PLEKHG1: variants seen among roughly 807,000 people sequenced by gnomAD.
The protein encoded by PLEKHG1 is pleckstrin homology domain-containing family G member 1.
PLEKHG1 carries 44 observed loss-of-function variants against 100.8 expected under a neutral mutation model. That is an observed-to-expected ratio of 0.44 (90% CI 0.34 to 0.56). The LOEUF is 0.56. Among genes scored for constraint, PLEKHG1 ranks in the 20% least tolerant of loss-of-function variants. The pLI is 0.01. For missense variants in PLEKHG1, 1,545 were observed against 1,720.9 expected (o/e 0.90, Z 1.81); for synonymous variants, 640 against 662.5 (o/e 0.97, Z 0.52).
chr6:150,739,754 A>T (rs926182011), intron 2 of PLEKHG1, among the ~76,000 whole-genome samples: 1 of 152,208 alleles, frequency 6.6e-6, no homozygotes, highest in Non-Finnish European at 1.5e-5. Flanking sequence ...GCATATCTTT[A>T]TGGGAAGCAT....
intron 2 of PLEKHG1, among the ~76,000 whole-genome samples, chr6:150,758,141 A>G (rs1239298385): frequency 6.6e-6 from 1 of 152,196 alleles, no homozygotes; most frequent in African/African-American, 2.4e-5. Flanking sequence ...CATTGAACAT[A>G]CGCACACATG....
At chr6:150,816,325 A>ATTTTTTTT (rs1562546175) in intron 10 of PLEKHG1, among the ~76,000 whole-genome samples, 5 of 49,714 alleles carry the variant, frequency 1.0e-4, no homozygotes, top group East Asian at 6.5e-4. Flanking sequence ...TCTCAAACAT[A>ATTTTTTTT]CTTTTTTTTT....
At chr6:150,793,842 G>A (rs1166263223) in intron 4 of PLEKHG1, among the ~76,000 whole-genome samples, 1 of 152,210 alleles carries the variant, frequency 6.6e-6, no homozygotes, top group African/African-American at 2.4e-5. Context: ...AGCACTTTGG[G>A]ATGCCAAGGT....
At chr6:150,733,611 C>A (rs774193515) in exon 2 of PLEKHG1, 3 of 1,613,154 alleles carry the variant, frequency 1.9e-6, no homozygotes, top group African/African-American at 2.7e-5. Context: ...CTTGAAGTGC[C>A]ATCAGCTGTA....
chr6:150,674,684 C>CTCA (rs1562427910), intron 3 of PLEKHG1, among the ~76,000 whole-genome samples: 1 of 73,358 alleles, frequency 1.4e-5, no homozygotes, highest in African/African-American at 5.8e-5. Flanking sequence ...TCTCTCTCTC[C>CTCA]CCCCTCTTCT....
intron 1 of PLEKHG1, among the ~76,000 whole-genome samples, chr6:150,623,741 C>T (rs1777403709): frequency 6.6e-6 from 1 of 152,174 alleles, no homozygotes; most frequent in South Asian, 2.1e-4. Context: ...TTCACCCAGC[C>T]AGACCCACAC....
chr6:150,651,669 G>A (rs1335133756), intron 3 of PLEKHG1, among the ~76,000 whole-genome samples: 4 of 148,644 alleles, frequency 2.7e-5, no homozygotes, highest in African/African-American at 7.4e-5. Context: ...GACCAGCCTG[G>A]CCGACACGGT....
intron 2 of PLEKHG1, among the ~76,000 whole-genome samples, chr6:150,649,329 G>A (rs962632930): frequency 3.3e-5 from 5 of 151,894 alleles, no homozygotes; most frequent in African/African-American, 1.2e-4. Context: ...TTTGGAATCC[G>A]GCACTCTAGT....
At chr6:150,742,631 G>A (rs1016138069) in intron 2 of PLEKHG1, among the ~76,000 whole-genome samples, 4 of 147,956 alleles carry the variant, frequency 2.7e-5, no homozygotes, top group South Asian at 4.3e-4. Flanking sequence ...CAGATCTTAC[G>A]AGAGCTCACT....
At chr6:150,701,461 A>ATATATG (rs1780782955) in intron 3 of PLEKHG1, among the ~76,000 whole-genome samples, 3 of 85,546 alleles carry the variant, frequency 3.5e-5, no homozygotes, top group Non-Finnish European at 5.8e-5. Flanking sequence ...ATATATATAT[A>ATATATG]TATATAATTA....
chr6:150,804,152 ATT>A (rs200674238), intron 6 of PLEKHG1, among the ~76,000 whole-genome samples: 4,531 of 33,868 alleles, frequency 0.13, 299 homozygotes, highest in East Asian at 0.43. Context: ...GTGTGTAAAT[ATT>A]TTATATATAT....
intron 2 of PLEKHG1, among the ~76,000 whole-genome samples, chr6:150,753,036 C>T (rs1358284450): frequency 6.6e-6 from 1 of 152,008 alleles, no homozygotes; most frequent in Non-Finnish European, 1.5e-5. Context: ...TGGCTTGAGC[C>T]CGGGAGGTGG....
At chr6:150,644,889 T>C (rs548275205) in intron 2 of PLEKHG1, among the ~76,000 whole-genome samples, 6 of 152,276 alleles carry the variant, frequency 3.9e-5, no homozygotes, top group Admixed American at 2.0e-4. Context: ...AACATGTTCA[T>C]AGACAATATC....
At chr6:150,834,186 A>T (rs992050339) in intron 15 of PLEKHG1, among the ~76,000 whole-genome samples, 2 of 152,202 alleles carry the variant, frequency 1.3e-5, no homozygotes, top group East Asian at 3.9e-4. Context: ...ACTAGAATGC[A>T]TGTATTTTTC....
intron 10 of PLEKHG1, among the ~76,000 whole-genome samples, chr6:150,810,366 C>T (rs753999481): frequency 6.6e-6 from 1 of 150,758 alleles, no homozygotes; most frequent in Admixed American, 6.6e-5. Flanking sequence ...ACTGCAACCT[C>T]TTGTGCCTCA....
chr6:150,769,796 T>C (rs1263662261), intron 3 of PLEKHG1, among the ~76,000 whole-genome samples: 1 of 152,052 alleles, frequency 6.6e-6, no homozygotes, highest in Non-Finnish European at 1.5e-5. Context: ...TGAGGCTCCC[T>C]GAGTATCCAC....
chr6:150,781,999 C>T (rs1482299900), intron 3 of PLEKHG1, among the ~76,000 whole-genome samples: 1 of 151,678 alleles, frequency 6.6e-6, no homozygotes, highest in Non-Finnish European at 1.5e-5. Context: ...AGGATGGTCT[C>T]GATCTCCTGA....
In PLEKHG1 at chr6:150,733,871, A is replaced by G. The variant is rs769880688; in HGVS notation, c.190A>G (p.Ser64Gly). ...GCTGATTCCTGCCAGGCCGTTTTCC[A>G]GCAGCGAGCTGCAGAGGGACAACCC... Residue 64 changes from serine (S) to glycine (G), a missense_variant, in exon 2 of 16, where the codon AGC becomes GGC. Physicochemically the swap from Ser to Gly is moderately conservative, Grantham distance 56. Transcript: ENST00000358517. 1.9e-6 allele frequency: 3 copies of G among 1,614,212 alleles called. No homozygotes were observed. The Admixed American group carries it at 5.0e-5, about 27-fold the overall frequency.
chr6:150,753,561 G>C (rs1400303187), intron 2 of PLEKHG1, among the ~76,000 whole-genome samples: 2 of 152,130 alleles, frequency 1.3e-5, no homozygotes, highest in African/African-American at 2.4e-5. Context: ...GCTTTTGTCT[G>C]ATTTTCCATA....
Sources: gnomAD v4.1 joint callset for allele counts (sites outside exome capture counted in the v4.1 genomes callset) on GRCh38, gnomAD v4.1.1 for gene constraint, MANE v1.5 for transcripts, NCBI Gene and HGNC (gene_info 2026-07-23, HGNC 2026-07-21) for gene names.